Variants in VOPP1 observed in about 807,000 individuals in gnomAD.
VOPP1 encodes the protein VOPP1 WW domain binding protein.
VOPP1 carries 8 observed loss-of-function variants against 23.5 expected under a neutral mutation model. That is an observed-to-expected ratio of 0.34 (90% CI 0.20 to 0.61). VOPP1 has a LOEUF of 0.61. VOPP1 is among the 20% of genes least tolerant of loss of function. The pLI is 0.78. For missense variants in VOPP1, 174 were observed against 238.1 expected, an observed-to-expected ratio of 0.73 and a Z score of 1.77; for synonymous variants, 83 against 97.3, an observed-to-expected ratio of 0.85 and a Z score of 0.86.
At chr7:55,570,050 CA>C (rs1382173032) in intron 1 of VOPP1, among the ~76,000 whole-genome samples, 1 of 152,128 alleles carries the variant, frequency 6.6e-6, no homozygotes, top group Admixed American at 6.6e-5. Context: ...CAGAAGCCAC[CA>C]AATAGCTCCC....
At chr7:55,568,155 C>T (rs1798225309) in intron 1 of VOPP1, among the ~76,000 whole-genome samples, 1 of 148,930 alleles carries the variant, frequency 6.7e-6, no homozygotes, top group African/African-American at 2.5e-5. Flanking sequence ...TCTCCGCTCA[C>T]TGCAAGCTCC....
At chr7:55,453,363 G>C (rs1791289352) in intron 4 of VOPP1, among the ~76,000 whole-genome samples, 1 of 152,202 alleles carries the variant, frequency 6.6e-6, no homozygotes. Context: ...AAGAGGCCTA[G>C]CTTTCAGCCT....
At chr7:55,564,429 A>G (rs1798096704) in intron 1 of VOPP1, among the ~76,000 whole-genome samples, 2 of 152,158 alleles carry the variant, frequency 1.3e-5, no homozygotes, top group South Asian at 2.1e-4. Flanking sequence ...AGTTTCACTC[A>G]TCTTTCCTCT....
intron 1 of VOPP1, chr7:55,571,939 G>A (rs1274195051): frequency 1.6e-5 from 4 of 243,360 alleles, no homozygotes; most frequent in African/African-American, 2.3e-5. Flanking sequence ...CCGATCCTCG[G>A]CCCTCTGCGG....
rs1000243186 is a variant in VOPP1, at chr7:55,497,561, G to T, written c.191+52C>A. ...AGGCTGTGACAACACTGATGGGGGG[G>T]GGGGGGGGGCAGAGCTCTCGGGGTA... On this transcript the variant is annotated intron_variant, in intron 3 of 4. Transcript: ENST00000285279. 11 of 1,366,700 alleles carry T rather than the reference G, an allele frequency of 8.0e-6. 1 individual carries two copies. Among genetic ancestry groups the T allele is most frequent in the East Asian group, 2.5e-5 (1 of 39,860 alleles). 84.7% of individuals were successfully genotyped at this position (1,366,700 alleles called of 1,614,324 possible).
intron 4 of VOPP1, among the ~76,000 whole-genome samples, chr7:55,437,021 T>C (rs1790847953): frequency 6.6e-6 from 1 of 152,218 alleles, no homozygotes; most frequent in Non-Finnish European, 1.5e-5. Context: ...GAATAAAACG[T>C]GTCCCGAGCA....
In VOPP1 at chr7:55,497,605, T is replaced by A. The variant is rs1049372676; in HGVS notation, c.191+8A>T. 30 of 1,592,938 alleles carry A rather than the reference T, an allele frequency of 1.9e-5. 1 individual carries two copies. ...CGGGGTAGGGAACAAGGAGGAGTTG[T>A]GACCTACCAGAAGTACCACAGCCTC... On this transcript the variant is annotated splice_region_variant and intron_variant, in intron 3 of 4. Transcript: ENST00000285279.
intron 2 of VOPP1, among the ~76,000 whole-genome samples, chr7:55,505,656 AG>A (rs1794668042): frequency 7.8e-3 from 4 of 516 alleles, no homozygotes; most frequent in African/African-American, 0.012. Context: ...GAAGGAAGGG[AG>A]GGAGGGAGGG....
intron 4 of VOPP1, among the ~76,000 whole-genome samples, chr7:55,479,027 C>A (rs1261847219): frequency 6.6e-6 from 1 of 152,162 alleles, no homozygotes; most frequent in Non-Finnish European, 1.5e-5. Context: ...TAAACCATGG[C>A]CCTTCCTCTA....
intron 1 of VOPP1, 88 bp downstream of exon 1, chr7:55,572,183 T>A: frequency 8.9e-7 from 1 of 1,123,610 alleles, no homozygotes; most frequent in Non-Finnish European, 1.2e-6. Flanking sequence ...CCAGGCAAGG[T>A]CCTCTGGGGC....
chr7:55,538,442 T>C (rs960341994), intron 1 of VOPP1, among the ~76,000 whole-genome samples: 1 of 152,178 alleles, frequency 6.6e-6, no homozygotes, highest in African/African-American at 2.4e-5. Context: ...AACTTGATGC[T>C]CAAATACCCT....
chr7:55,517,898 C>T (rs1000569634), intron 2 of VOPP1, among the ~76,000 whole-genome samples: 3 of 152,086 alleles, frequency 2.0e-5, no homozygotes, highest in South Asian at 2.1e-4. Flanking sequence ...ATATCTGGAC[C>T]GGTGAGGGTA....
At chr7:55,538,670 C>T (rs1377801326) in intron 1 of VOPP1, 8 of 1,535,652 alleles carry the variant, frequency 5.2e-6, no homozygotes, top group Non-Finnish European at 7.0e-6. Flanking sequence ...TGTGTAATGA[C>T]AAAAACAGCT....
At chr7:55,489,296 T>A (rs1271207717) in intron 4 of VOPP1, among the ~76,000 whole-genome samples, 2 of 152,104 alleles carry the variant, frequency 1.3e-5, no homozygotes. Flanking sequence ...CTGCAAGAAG[T>A]ATAAAATGAA....
At chr7:55,548,040 C>T (rs1474152699) in intron 1 of VOPP1, among the ~76,000 whole-genome samples, 2 of 152,136 alleles carry the variant, frequency 1.3e-5, no homozygotes, top group Non-Finnish European at 2.9e-5. Context: ...AGACCGTGAC[C>T]GCAGATTCTG....
chr7:55,440,699 G>C (rs1271321414), intron 4 of VOPP1, among the ~76,000 whole-genome samples: 1 of 152,182 alleles, frequency 6.6e-6, no homozygotes, highest in Non-Finnish European at 1.5e-5. Flanking sequence ...GAGCACAAGC[G>C]TGTGCCTGGC....
At chr7:55,498,394 G>C (rs1794126331) in intron 2 of VOPP1, among the ~76,000 whole-genome samples, 1 of 151,886 alleles carries the variant, frequency 6.6e-6, no homozygotes, top group South Asian at 2.1e-4. Context: ...AGCTCTCAGG[G>C]GTGTGCTCAG....
chr7:55,539,860 T>A (rs1797033152), intron 1 of VOPP1, among the ~76,000 whole-genome samples: 1 of 143,310 alleles, frequency 7.0e-6, no homozygotes, highest in Admixed American at 7.1e-5. Context: ...ATATTTGTCA[T>A]ACACACAACA....
chr7:55,569,489 G>C (rs770372624), intron 1 of VOPP1, among the ~76,000 whole-genome samples: 3 of 152,198 alleles, frequency 2.0e-5, no homozygotes, highest in Non-Finnish European at 4.4e-5. Context: ...AGAGGAAGCA[G>C]AGCATCGAGG....
Sources: allele counts gnomAD v4.1 joint callset (sites outside exome capture counted in the v4.1 genomes callset), GRCh38; gene constraint gnomAD v4.1.1; transcripts MANE v1.5; gene names NCBI Gene and HGNC (gene_info 2026-07-23, HGNC 2026-07-21).